SLC2A13: variants seen among roughly 807,000 people sequenced by gnomAD.
The protein encoded by SLC2A13 is solute carrier family 2 member 13.
Under a neutral mutation model 64.4 loss-of-function variants are expected in SLC2A13, and 32 were observed. The ratio of observed to expected loss-of-function variants is 0.50; its 90% CI spans 0.37 to 0.67. The LOEUF (loss-of-function observed/expected upper bound fraction) is 0.67. Among genes scored for constraint, SLC2A13 ranks in the 30% least tolerant of loss-of-function variants. SLC2A13 has a pLI of 0.00. For missense variants in SLC2A13, 743 were observed against 829.2 expected (o/e 0.90, Z 1.28); for synonymous variants, 338 against 327.1 (o/e 1.03, Z -0.36).
At chr12:39,925,121 C>T (rs1279876126) in intron 4 of SLC2A13, among the ~76,000 whole-genome samples, 2 of 147,658 alleles carry the variant, frequency 1.4e-5, no homozygotes, top group Non-Finnish European at 3.0e-5. Context: ...CTCACTCGAT[C>T]TCCTGAGCTA....
intron 4 of SLC2A13, among the ~76,000 whole-genome samples, chr12:39,903,664 C>T (rs1225343050): frequency 6.6e-6 from 1 of 152,060 alleles, no homozygotes; most frequent in Non-Finnish European, 1.5e-5. Flanking sequence ...CAGGCATCTT[C>T]TGATAACAAG....
chr12:40,043,135 A>G (rs187039971), intron 2 of SLC2A13, among the ~76,000 whole-genome samples: 2 of 152,304 alleles, frequency 1.3e-5, no homozygotes, highest in Admixed American at 1.3e-4. Flanking sequence ...TCCCTGTAGG[A>G]AATAGACAGT....
intron 6 of SLC2A13, among the ~76,000 whole-genome samples, chr12:39,836,376 A>T (rs1943004370): frequency 6.6e-6 from 1 of 152,126 alleles, no homozygotes; most frequent in Admixed American, 6.5e-5. Flanking sequence ...GAGAAGAAAT[A>T]TTTAACTTTT....
chr12:40,003,384 A>G (rs915760753), intron 3 of SLC2A13, among the ~76,000 whole-genome samples: 1 of 152,198 alleles, frequency 6.6e-6, no homozygotes, highest in African/African-American at 2.4e-5. Flanking sequence ...AGGACCAAGG[A>G]AGAGGAGAGA....
At chr12:40,020,101 T>A (rs1199096589) in intron 3 of SLC2A13, among the ~76,000 whole-genome samples, 1 of 152,138 alleles carries the variant, frequency 6.6e-6, no homozygotes, top group Non-Finnish European at 1.5e-5. Flanking sequence ...AGCTCCCCAA[T>A]ACAAATCCAA....
intron 7 of SLC2A13, among the ~76,000 whole-genome samples, chr12:39,818,609 C>A (rs558069635): frequency 5.9e-5 from 9 of 152,210 alleles, no homozygotes; most frequent in African/African-American, 2.2e-4. Flanking sequence ...TTTGTAATCA[C>A]CTTTGAAATT....
intron 3 of SLC2A13, among the ~76,000 whole-genome samples, chr12:40,019,908 G>A (rs1195047303): frequency 1.3e-5 from 2 of 152,092 alleles, no homozygotes; most frequent in African/African-American, 2.4e-5. Flanking sequence ...ATCCTGCCAA[G>A]GACACACCTC....
intron 6 of SLC2A13, among the ~76,000 whole-genome samples, chr12:39,851,117 C>T (rs759668530): frequency 6.6e-6 from 1 of 152,072 alleles, no homozygotes. Context: ...CCAGGCTGGT[C>T]TCGAACTCCC....
chr12:39,840,528 A>G (rs1943154004), intron 6 of SLC2A13, among the ~76,000 whole-genome samples: 1 of 152,008 alleles, frequency 6.6e-6, no homozygotes, highest in Non-Finnish European at 1.5e-5. Context: ...TAGCCAGTCC[A>G]AAGAGACTGC....
At chr12:39,958,761 T>C (rs892253003) in intron 3 of SLC2A13, among the ~76,000 whole-genome samples, 10 of 152,162 alleles carry the variant, frequency 6.6e-5, no homozygotes, top group Admixed American at 3.3e-4. Flanking sequence ...AGAAGTCCCA[T>C]ATTGTTACAA....
At chr12:39,794,580 A>G (rs1941514909) in intron 7 of SLC2A13, among the ~76,000 whole-genome samples, 1 of 152,164 alleles carries the variant, frequency 6.6e-6, no homozygotes, top group African/African-American at 2.4e-5. Flanking sequence ...AAAGAAGGCA[A>G]AGGCAGGTTC....
intron 7 of SLC2A13, among the ~76,000 whole-genome samples, chr12:39,785,806 A>T (rs1176043370): frequency 6.6e-6 from 1 of 152,194 alleles, no homozygotes; most frequent in African/African-American, 2.4e-5. Flanking sequence ...AAAGGAGATC[A>T]TTTTGGAGCT....
chr12:40,022,439 T>G (rs1259683596), intron 3 of SLC2A13, among the ~76,000 whole-genome samples: 1 of 152,250 alleles, frequency 6.6e-6, no homozygotes, highest in Non-Finnish European at 1.5e-5. Flanking sequence ...GTTGAGATTT[T>G]ACTGACCAAA....
At chr12:39,964,629 A>G (rs1946474190) in intron 3 of SLC2A13, among the ~76,000 whole-genome samples, 1 of 152,234 alleles carries the variant, frequency 6.6e-6, no homozygotes, top group African/African-American at 2.4e-5. Context: ...CAGAGCCTAC[A>G]AGGAAGATGC....
Position 39,764,815 on chromosome 12 carries a change from C to G in SLC2A13, c.1489G>C (p.Ala497Pro). ...TATGGAGTAGGGCAGAAATTGTAAG[C>G]CCAAAATATATCTTCTGTTTTGAAC... ...TKFKTEDIFW[A>P]YNFCPTPYSW... Residue 497 changes from alanine to proline, a missense_variant, in exon 8 of 10, where the codon GCT (alanine) becomes CCT (proline). Physicochemically the swap from Ala to Pro is conservative, Grantham distance 27. Transcript: ENST00000280871. The G allele has an allele frequency of 6.2e-7, 1 of 1,612,370 alleles. No homozygotes were observed.
At chr12:39,866,728 C>A (rs548355461) in intron 5 of SLC2A13, among the ~76,000 whole-genome samples, 67 of 152,184 alleles carry the variant, frequency 4.4e-4, no homozygotes, top group Non-Finnish European at 8.4e-4. Context: ...ATCCGCCAGC[C>A]TCGGCCTCCC....
At chr12:39,846,696 C>T (rs1943323383) in intron 6 of SLC2A13, among the ~76,000 whole-genome samples, 1 of 152,172 alleles carries the variant, frequency 6.6e-6, no homozygotes, top group Admixed American at 6.5e-5. Context: ...AAAAGATCCA[C>T]TGGCCTCGGC....
At chr12:40,058,822 G>A (rs1948373917) in intron 1 of SLC2A13, among the ~76,000 whole-genome samples, 1 of 152,152 alleles carries the variant, frequency 6.6e-6, no homozygotes, top group Non-Finnish European at 1.5e-5. Context: ...AATATTCTGA[G>A]AAACAGACTC....
At chr12:39,860,216 CTAAG>C (rs764086392) in intron 6 of SLC2A13, among the ~76,000 whole-genome samples, 3 of 152,122 alleles carry the variant, frequency 2.0e-5, no homozygotes, top group Non-Finnish European at 2.9e-5. Context: ...AGTAAGGAAA[CTAAG>C]TAAGATGTAA....
Sources: allele counts gnomAD v4.1 joint callset (sites outside exome capture counted in the v4.1 genomes callset), GRCh38; gene constraint gnomAD v4.1.1; transcripts MANE v1.5; gene names NCBI Gene and HGNC (gene_info 2026-07-23, HGNC 2026-07-21).